The following FBN2 variants were observed in gnomAD, a reference collection of about 807,000 sequenced individuals.
FBN2 encodes fibrillin 2, also known as fibrillin-2.
In FBN2, 105 loss-of-function variants were observed where a neutral mutation model predicts 355.6. The observed-to-expected ratio is 0.30, with a 90% confidence interval of 0.25 to 0.35. The LOEUF (loss-of-function observed/expected upper bound fraction) is 0.35, where lower values mean the gene tolerates loss of function less well. FBN2 is among the 10% of genes least tolerant of loss of function. FBN2 has a pLI of 1.00. For missense variants in FBN2, 3,280 were observed against 3,758.7 expected (o/e 0.87, Z 3.33); for synonymous variants, 1,350 against 1,301.2 (o/e 1.04, Z -0.81).
At chr5:128,284,168 T>C (rs1433450832) in intron 55 of FBN2, among the ~76,000 whole-genome samples, 1 of 152,224 alleles carries the variant, frequency 6.6e-6, no homozygotes, top group Non-Finnish European at 1.5e-5. Flanking sequence ...ATTGAAATTT[T>C]ACTCTATGCC....
At chr5:128,421,650 G>A (rs1466912946) in intron 7 of FBN2, among the ~76,000 whole-genome samples, 1 of 152,050 alleles carries the variant, frequency 6.6e-6, no homozygotes, top group Non-Finnish European at 1.5e-5. Context: ...AATATAAAAT[G>A]AAGAGATCAC....
In FBN2 at chr5:128,341,926, A is replaced by C. The variant is rs546364483; in HGVS notation, c.3343+2459T>G. ...TCACTTTGGGAGAGAGAGACATCAA[A>C]ATTCAATTGGAGGCTTCAATCCTGT... On this transcript the variant is annotated intron_variant, in intron 25 of 64. Transcript: ENST00000262464. Among the ~76,000 whole-genome samples, 9 of 152,358 alleles carry C rather than the reference A, an allele frequency of 5.9e-5. No homozygotes were observed. In the South Asian group the frequency reaches 1.9e-3, roughly 32 times the overall value.
intron 5 of FBN2, among the ~76,000 whole-genome samples, chr5:128,503,186 C>T (rs1050244662): frequency 1.3e-5 from 2 of 152,220 alleles, no homozygotes; most frequent in African/African-American, 4.8e-5. Flanking sequence ...GTCTGTAAGA[C>T]ATGACTTTGA....
At chr5:128,518,830 G>A (rs1756355038) in intron 5 of FBN2, among the ~76,000 whole-genome samples, 1 of 152,114 alleles carries the variant, frequency 6.6e-6, no homozygotes, top group Non-Finnish European at 1.5e-5. Context: ...TCCTACCTGA[G>A]GCCCACTAGC....
intron 23 of FBN2, among the ~76,000 whole-genome samples, chr5:128,347,476 G>A (rs1220084217): frequency 6.6e-6 from 1 of 152,164 alleles, no homozygotes; most frequent in Non-Finnish European, 1.5e-5. Flanking sequence ...GATGGTCCAT[G>A]TTCTCTGAAG....
intron 4 of FBN2, among the ~76,000 whole-genome samples, chr5:128,520,955 GA>G (rs1258365545): frequency 6.6e-6 from 1 of 151,988 alleles, no homozygotes; most frequent in Non-Finnish European, 1.5e-5. Context: ...CGGGGAACAT[GA>G]AAAAAATAAA....
rs536599874 is a variant in FBN2, at chr5:128,459,229, C to A, written c.826+5495G>T. ...AAATGGATAAATTCCTGGACACATACACCCTACCAAGACTAAACCAGGAAC... is the reference window on the plus strand; with the variant it reads ...AAATGGATAAATTCCTGGACACATAAACCCTACCAAGACTAAACCAGGAAC... On this transcript the variant is annotated intron_variant, in intron 6 of 64. Transcript: ENST00000262464. Among the ~76,000 whole-genome samples, 11 of 152,212 alleles carry A rather than the reference C, an allele frequency of 7.2e-5. No individual in the cohort carries two copies. In the East Asian group the frequency reaches 1.5e-3, roughly 21 times the overall value.
At chr5:128,391,657 T>C (rs183690159) in intron 11 of FBN2, among the ~76,000 whole-genome samples, 2 of 152,286 alleles carry the variant, frequency 1.3e-5, no homozygotes, top group East Asian at 1.9e-4. Flanking sequence ...ATTGGTGTCT[T>C]GTCATCTTTT....
intron 62 of FBN2, among the ~76,000 whole-genome samples, chr5:128,266,587 G>A (rs528114983): frequency 1.3e-5 from 2 of 152,174 alleles, no homozygotes; most frequent in South Asian, 2.1e-4. Flanking sequence ...TGTGCAGCTC[G>A]TTTTGTGCTA....
chr5:128,427,900 C>T (rs1024043371), intron 7 of FBN2, among the ~76,000 whole-genome samples: 1 of 152,162 alleles, frequency 6.6e-6, no homozygotes, highest in South Asian at 2.1e-4. Context: ...CAGGTGAACC[C>T]AAGTTCGGTT....
chr5:128,400,628 T>C (rs1352485339), intron 8 of FBN2, among the ~76,000 whole-genome samples: 1 of 152,178 alleles, frequency 6.6e-6, no homozygotes, highest in Non-Finnish European at 1.5e-5. Context: ...ATGAAGCAAA[T>C]ACTGTACCAG....
At position 128,527,980 on chromosome 5, in the gene FBN2, A is replaced by C; in HGVS notation, c.437-13T>G. 1 of 1,588,704 alleles carries C rather than the reference A, an allele frequency of 6.3e-7. No individual in the cohort carries two copies. The highest frequency in any genetic ancestry group is 8.6e-7 in the Non-Finnish European group (1 of 1,157,534). The stretch of plus-strand genomic sequence containing the variant: ...CTGCACTGCTGAACTGCAAAGAGCA[A>C]TAACAAAAAGTATAAAAACATCAGT... On this transcript the variant is annotated splice_polypyrimidine_tract_variant and intron_variant, in intron 3 of 64. Coordinates refer to ENST00000262464, the MANE Select transcript of FBN2 (RefSeq NM_001999.4).
chr5:128,492,958 A>C (rs1297053497), intron 5 of FBN2, among the ~76,000 whole-genome samples: 1 of 152,190 alleles, frequency 6.6e-6, no homozygotes, highest in Non-Finnish European at 1.5e-5. Flanking sequence ...ATATAATGAA[A>C]AAGAATACAA....
chr5:128,463,258 T>G (rs144336991), intron 6 of FBN2, among the ~76,000 whole-genome samples: 2,735 of 152,154 alleles, frequency 0.018, 26 homozygotes, highest in Middle Eastern at 0.041. Context: ...TAGAAGAAAC[T>G]GTTGCACTAC....
Position 128,278,753 on chromosome 5 carries a change from T to G in FBN2, c.7227A>C (p.Glu2409Asp). Reference sequence around the variant, plus strand: ...AGCCTCGCCCACCATCACAGCAGCATTCTGACTTAGTGACGAGATTGCGAC... The same window carrying G: ...AGCCTCGCCCACCATCACAGCAGCAGTCTGACTTAGTGACGAGATTGCGAC... ...SSSRNLVTKS[E>D]CCCDGGRGWG... The change falls in exon 57 of 65, where the codon GAA becomes GAC. Residue 2409 changes from glutamate (E) to aspartate (D), a missense_variant. Physicochemically the swap from Glu to Asp is conservative, Grantham distance 45. Transcript: ENST00000262464. 6.2e-7 allele frequency: 1 copy of G among 1,614,132 alleles called. No homozygotes were observed. Among genetic ancestry groups the G allele is most frequent in the Non-Finnish European group, 8.5e-7 (1 of 1,179,990 alleles).
At chr5:128,268,259 A>G (rs894083516) in intron 62 of FBN2, among the ~76,000 whole-genome samples, 2 of 152,226 alleles carry the variant, frequency 1.3e-5, no homozygotes, top group African/African-American at 4.8e-5. Flanking sequence ...TATGCAAATA[A>G]ACTAAGAAAT....
chr5:128,352,094 A>G (rs1561784977), intron 20 of FBN2, among the ~76,000 whole-genome samples: 3 of 152,194 alleles, frequency 2.0e-5, no homozygotes, highest in African/African-American at 7.2e-5. Flanking sequence ...TTATTTGATG[A>G]ATAATTTAAA....
At chr5:128,421,445 T>A (rs1316838113) in intron 7 of FBN2, among the ~76,000 whole-genome samples, 1 of 152,186 alleles carries the variant, frequency 6.6e-6, no homozygotes, top group African/African-American at 2.4e-5. Flanking sequence ...TAAGTTTCAT[T>A]ATTGAGCTAA....
Position 128,349,484 on chromosome 5 carries a change from T to C in FBN2, c.2864-12A>G, listed in dbSNP as rs1234935460. On this transcript the variant is annotated splice_polypyrimidine_tract_variant and intron_variant, in intron 22 of 64. Transcript: ENST00000262464. ...ACACTCATTAACATCTGCAGGGAAA[T>C]GCAGCAAGCAGAGGAGCAAAGATGT... 4.3e-6 allele frequency: 7 copies of C among 1,613,484 alleles called. No homozygotes were observed. The highest frequency in any genetic ancestry group is 2.7e-5 in the African/African-American group (2 of 74,906).
Sources: gnomAD v4.1 joint callset for allele counts (sites outside exome capture counted in the v4.1 genomes callset) on GRCh38, gnomAD v4.1.1 for gene constraint, MANE v1.5 for transcripts, NCBI Gene and HGNC (gene_info 2026-07-23, HGNC 2026-07-21) for gene names.